The following CFAP300 variants were observed in gnomAD, a reference collection of about 807,000 sequenced individuals.
CFAP300 encodes the protein cilia- and flagella-associated protein 300.
Under a neutral mutation model 33.0 loss-of-function variants are expected in CFAP300, and 32 were observed. The observed-to-expected ratio is 0.97, with a 90% CI of 0.73 to 1.30. CFAP300 has a LOEUF of 1.30. Among genes scored for constraint, CFAP300 ranks in the 50% most tolerant of loss-of-function variants. CFAP300 has a pLI of 0.00. For synonymous variants in CFAP300, 102 were observed against 106.8 expected (o/e 0.95, Z 0.28); for missense variants, 356 against 318.1 (o/e 1.12, Z -0.90).
At chr11:102,081,402 G>A (rs1404670148) in intron 6 of CFAP300, 121 bp downstream of exon 6, 1 of 828,538 alleles carries the variant, frequency 1.2e-6, no homozygotes, top group Non-Finnish European at 1.9e-6. Flanking sequence ...ATGTTATTTA[G>A]AGTTTTGTTA....
At chr11:102,080,489 C>G (rs963734722) in intron 5 of CFAP300, among the ~76,000 whole-genome samples, 1 of 152,092 alleles carries the variant, frequency 6.6e-6, no homozygotes, top group Non-Finnish European at 1.5e-5. Flanking sequence ...GCAATCTTGG[C>G]TCATCGCAAC....
chr11:102,070,205 C>A (rs559405301), intron 4 of CFAP300, among the ~76,000 whole-genome samples: 1 of 152,278 alleles, frequency 6.6e-6, no homozygotes, highest in African/African-American at 2.4e-5. Context: ...ACCCAGAGAG[C>A]AATTAAGTAT....
Position 102,076,008 on chromosome 11 carries a change from C to G in CFAP300, c.571C>G (p.Leu191Val), listed in dbSNP as rs1227164045. 2 of 1,613,192 alleles carry G rather than the reference C, an allele frequency of 1.2e-6. No individual in the cohort carries two copies. The highest frequency in any genetic ancestry group is 2.7e-5 in the African/African-American group (2 of 74,976). Residue 191 changes from leucine to valine, a missense_variant, in exon 5 of 7, where the codon CTG becomes GTG. Physicochemically the swap from Leu to Val is conservative, Grantham distance 32. Transcript: ENST00000434758. ...ATATGAGGATGTGATTAGCCCATAT[C>G]TGGAAACAACAAAGCTTATCTATAA... ...CQYEDVISPY[L>V]ETTKLIYKDL... is the part of the protein sequence containing the mutation.
In CFAP300 at chr11:102,062,268, C is replaced by A. The variant is rs149235451; in HGVS notation, c.268+3313C>A. Among the ~76,000 whole-genome samples the A allele has an allele frequency of 1.6e-4, 24 of 152,274 alleles. 1 individual carries two copies. The East Asian group carries it at 4.6e-3, about 29-fold the overall frequency. Reference sequence around the variant, plus strand: ...AAATACATGTCTATTGTTTAAGCCACCCAGACTATGGCATTTTGTTATAGC... The same window carrying A: ...AAATACATGTCTATTGTTTAAGCCAACCAGACTATGGCATTTTGTTATAGC... On this transcript the variant is annotated intron_variant, in intron 3 of 6. Coordinates refer to ENST00000434758, the MANE Select transcript of CFAP300 (RefSeq NM_032930.3).
chr11:102,079,138 A>G (rs1448161689), intron 5 of CFAP300, among the ~76,000 whole-genome samples: 1 of 152,252 alleles, frequency 6.6e-6, no homozygotes, highest in Non-Finnish European at 1.5e-5. Flanking sequence ...TTAAACGGAA[A>G]TAATTTATGT....
chr11:102,077,781 G>A (rs2135049313), intron 5 of CFAP300, among the ~76,000 whole-genome samples: 1 of 152,268 alleles, frequency 6.6e-6, no homozygotes, highest in African/African-American at 2.4e-5. Flanking sequence ...TATCATTTTG[G>A]CCAGGCTGGT....
At chr11:102,063,658 C>A (rs965578394) in intron 3 of CFAP300, among the ~76,000 whole-genome samples, 2 of 151,932 alleles carry the variant, frequency 1.3e-5, no homozygotes, top group African/African-American at 4.8e-5. Context: ...CAGACCCTAT[C>A]TCTACAAAAA....
intron 6 of CFAP300, among the ~76,000 whole-genome samples, chr11:102,082,849 T>C (rs1942493685): frequency 6.6e-6 from 1 of 152,004 alleles, no homozygotes; most frequent in African/African-American, 2.4e-5. Flanking sequence ...ACACAAAAAT[T>C]AGCTGGGCAT....
At chr11:102,054,918 C>A (rs184124739) in intron 2 of CFAP300, among the ~76,000 whole-genome samples, 22 of 152,002 alleles carry the variant, frequency 1.4e-4, no homozygotes, top group African/African-American at 5.3e-4. Context: ...TACTCCTACT[C>A]CCTACCCTCT....
At chr11:102,077,537 T>A (rs1942414183) in intron 5 of CFAP300, among the ~76,000 whole-genome samples, 1 of 152,198 alleles carries the variant, frequency 6.6e-6, no homozygotes, top group African/African-American at 2.4e-5. Flanking sequence ...TTATAACAGG[T>A]CCTATAAAAC....
chr11:102,076,027 T>G lies in CFAP300; in HGVS notation c.590T>G (p.Ile197Ser). ...CCATATCTGGAAACAACAAAGCTTA[T>G]CTATAAGGATCTGGTGAGGTAATGT... is the stretch of plus-strand genomic sequence containing the variant. ...ISPYLETTKL[I>S]YKDLVSVRKN... Residue 197 changes from isoleucine (I) to serine (S), a missense_variant, in exon 5 of 7, where the codon ATC (isoleucine) becomes AGC (serine). Ile to Ser is a moderately radical substitution (Grantham distance 142, BLOSUM62 -2). Transcript: ENST00000434758. The G allele has an allele frequency of 1.2e-6, 2 of 1,611,424 alleles. No individual in the cohort carries two copies. The highest frequency in any genetic ancestry group is 1.7e-6 in the Non-Finnish European group (2 of 1,179,296).
In CFAP300 at chr11:102,083,387, A is replaced by C; in HGVS notation, c.*188A>C. The C allele has an allele frequency of 3.0e-6, 1 of 329,636 alleles. No homozygotes were observed. The highest frequency in any genetic ancestry group is 5.3e-6 in the Non-Finnish European group (1 of 188,690). The allele number at this position is 329,636 out of a possible 1,614,324, so 20.4% of individuals were successfully genotyped here. On this transcript the variant is annotated 3_prime_UTR_variant, in exon 7 of 7. Transcript: ENST00000434758. ...TGTGTGGAATACTAACCGGGGATCA[A>C]ATTTCATCCATAATAAAATCTATAC...
intron 2 of CFAP300, among the ~76,000 whole-genome samples, chr11:102,055,052 C>T (rs1942029812): frequency 6.6e-6 from 1 of 151,258 alleles, no homozygotes; most frequent in Non-Finnish European, 1.5e-5. Flanking sequence ...GCGATCTCAG[C>T]TCACTGCAAC....
At chr11:102,062,978 T>C (rs1039735050) in intron 3 of CFAP300, among the ~76,000 whole-genome samples, 6 of 152,256 alleles carry the variant, frequency 3.9e-5, no homozygotes, top group Non-Finnish European at 5.9e-5. Flanking sequence ...GAACATGCGC[T>C]ATTCTTCAAG....
At chr11:102,057,309 A>G (rs776134830) in intron 2 of CFAP300, among the ~76,000 whole-genome samples, 14 of 150,534 alleles carry the variant, frequency 9.3e-5, no homozygotes, top group Non-Finnish European at 1.9e-4. Context: ...ACTGCACTCC[A>G]TCCTGGGCAA....
At chr11:102,049,567 T>C (rs553154738) in intron 2 of CFAP300, among the ~76,000 whole-genome samples, 1 of 152,304 alleles carries the variant, frequency 6.6e-6, no homozygotes, top group Admixed American at 6.5e-5. Flanking sequence ...ATTATAATGC[T>C]ACTGATAATG....
chr11:102,063,570 G>T (rs1942182886), intron 3 of CFAP300, among the ~76,000 whole-genome samples: 1 of 152,180 alleles, frequency 6.6e-6, no homozygotes, highest in Non-Finnish European at 1.5e-5. Flanking sequence ...GCTCACCCCT[G>T]TAATCCCAAC....
intron 3 of CFAP300, among the ~76,000 whole-genome samples, chr11:102,065,081 A>G (rs1168626110): frequency 1.1e-4 from 17 of 152,160 alleles, no homozygotes; most frequent in Admixed American, 1.1e-3. Context: ...TAAATACTAT[A>G]AATGAGATCC....
rs547980996 is a variant in CFAP300, at chr11:102,053,088, C to T, written c.192+5192C>T. Among the ~76,000 whole-genome samples the T allele has an allele frequency of 5.1e-4, 77 of 151,292 alleles. 1 individual carries two copies. The highest frequency in any genetic ancestry group is 2.1e-4 in the Non-Finnish European group (14 of 67,882). ...ACTAAAAAACACAAAAATTAGGTGG[C>T]CATGGTGGCAGGTGCCTGTAATCAC... On this transcript the variant is annotated intron_variant, in intron 2 of 6. Coordinates refer to ENST00000434758, the MANE Select transcript of CFAP300 (RefSeq NM_032930.3).
Sources: gnomAD v4.1 joint callset for allele counts (sites outside exome capture counted in the v4.1 genomes callset) on GRCh38, gnomAD v4.1.1 for gene constraint, MANE v1.5 for transcripts, NCBI Gene and HGNC (gene_info 2026-07-23, HGNC 2026-07-21) for gene names.